The following CLVS1 variants were observed in gnomAD, a reference collection of about 807,000 sequenced individuals.
The protein encoded by CLVS1 is clavesin-1.
Under a neutral mutation model 33.1 loss-of-function variants are expected in CLVS1, and 10 were observed. The ratio of observed to expected loss-of-function variants is 0.30; its 90% CI spans 0.19 to 0.51. The LOEUF (loss-of-function observed/expected upper bound fraction) is 0.51. CLVS1 is among the 20% of genes least tolerant of loss of function. The pLI is 0.97. For synonymous variants in CLVS1, 163 were observed against 166.1 expected (o/e 0.98, Z 0.14); for missense variants, 343 against 433.4 (o/e 0.79, Z 1.85).
intron 2 of CLVS1, among the ~76,000 whole-genome samples, chr8:61,262,145 T>G (rs1241270501): frequency 6.6e-6 from 1 of 152,050 alleles, no homozygotes; most frequent in East Asian, 1.9e-4. Context: ...TCTCATGTAG[T>G]GGACAGTACA....
intron 2 of CLVS1, among the ~76,000 whole-genome samples, chr8:61,373,971 T>G (rs1253024412): frequency 6.6e-6 from 1 of 152,208 alleles, no homozygotes; most frequent in Admixed American, 6.5e-5. Context: ...TGTCGCATAT[T>G]TTTTACTATA....
rs1430662031 is a variant in CLVS1, at chr8:61,300,160, C to G, written c.333C>G (p.Phe111Leu). ...TAAACCTGGACATGTTCAAAAACTT[C>G]AAGGCAGATGATCCCGGCATTAAGA... Reference protein sequence around the residue: ...RQLNLDMFKNFKADDPGIKRA... With the variant: ...RQLNLDMFKNLKADDPGIKRA... The change falls in exon 2 of 6, where the codon TTC (phenylalanine) becomes TTG (leucine). Residue 111 changes from phenylalanine (F) to leucine (L), a missense_variant. Coordinates refer to ENST00000325897, the MANE Select transcript of CLVS1 (RefSeq NM_173519.3). 5 of 1,613,894 alleles carry G rather than the reference C, an allele frequency of 3.1e-6. No individual in the cohort carries two copies. Among genetic ancestry groups the G allele is most frequent in the African/African-American group, 1.3e-5 (1 of 74,884 alleles).
chr8:61,216,849 C>CT (rs1271936732), intron 2 of CLVS1, among the ~76,000 whole-genome samples: 2 of 151,996 alleles, frequency 1.3e-5, no homozygotes, highest in African/African-American at 2.4e-5. Context: ...TATTGGTGTT[C>CT]TTTTTTTATG....
intron 2 of CLVS1, among the ~76,000 whole-genome samples, chr8:61,232,289 G>A (rs1013287046): frequency 2.0e-5 from 3 of 151,994 alleles, no homozygotes; most frequent in African/African-American, 4.8e-5. Context: ...GCCCGCCTCA[G>A]CCTCCCAAAG....
intron 3 of CLVS1, among the ~76,000 whole-genome samples, chr8:61,430,606 G>C (rs1264436029): frequency 6.6e-6 from 1 of 152,124 alleles, no homozygotes; most frequent in African/African-American, 2.4e-5. Context: ...GAGGAACCCA[G>C]GCTGGCTCTT....
rs775795586 is a variant in CLVS1, at chr8:61,499,583, T to A, written c.*41T>A. The stretch of plus-strand genomic sequence containing the variant: ...AATGCTCCTGCACACTGGCCTTCAG[T>A]GGTATCAGCCACCCAGGAAGCACAT... On this transcript the variant is annotated 3_prime_UTR_variant, in exon 6 of 6. Transcript: ENST00000325897. 6.7e-7 allele frequency: 1 copy of A among 1,487,944 alleles called. No individual in the cohort carries two copies. Among genetic ancestry groups the A allele is most frequent in the African/African-American group, 1.4e-5 (1 of 72,492 alleles). The allele number at this position is 1,487,944 out of a possible 1,614,324, so 92.2% of individuals were successfully genotyped here.
intron 2 of CLVS1, among the ~76,000 whole-genome samples, chr8:61,250,063 T>A (rs933008777): frequency 6.6e-6 from 1 of 152,204 alleles, no homozygotes; most frequent in Non-Finnish European, 1.5e-5. Flanking sequence ...TACATTTAAG[T>A]CTTTAATCTA....
chr8:61,359,234 T>G (rs1812871457), intron 2 of CLVS1, among the ~76,000 whole-genome samples: 1 of 152,218 alleles, frequency 6.6e-6, no homozygotes, highest in Non-Finnish European at 1.5e-5. Flanking sequence ...CCACCACGTA[T>G]GTTTAAGTTT....
At chr8:61,047,622 A>G in the CLVS1 span, among the ~76,000 whole-genome samples, 17 of 152,366 alleles carry the variant, frequency 1.1e-4, no homozygotes, top group South Asian at 3.5e-3. Flanking sequence ...ATAAAAAATG[A>G]TGAGTTCATG....
chr8:61,139,254 G>A (rs1255969055), intron 2 of CLVS1, among the ~76,000 whole-genome samples: 2 of 152,198 alleles, frequency 1.3e-5, no homozygotes, highest in Non-Finnish European at 2.9e-5. Context: ...GCGAGGCGCC[G>A]CGGGGGCAGC....
intron 1 of CLVS1, among the ~76,000 whole-genome samples, chr8:61,065,135 A>G (rs1317760862): frequency 6.6e-6 from 1 of 152,238 alleles, no homozygotes; most frequent in African/African-American, 2.4e-5. Flanking sequence ...ACTAAAATCC[A>G]CAGATGCTCA....
chr8:61,493,115 TTAAG>T (rs1441843850), intron 5 of CLVS1, among the ~76,000 whole-genome samples: 2 of 152,230 alleles, frequency 1.3e-5, no homozygotes, highest in African/African-American at 4.8e-5. Flanking sequence ...TTTAAAGATA[TTAAG>T]TAAGGTAATA....
chr8:61,115,234 C>T (rs1805696068), intron 1 of CLVS1, among the ~76,000 whole-genome samples: 1 of 152,124 alleles, frequency 6.6e-6, no homozygotes, highest in South Asian at 2.1e-4. Flanking sequence ...CTGATAATAA[C>T]CATTTCTCAC....
At chr8:61,409,166 C>T (rs1815117612) in intron 3 of CLVS1, among the ~76,000 whole-genome samples, 1 of 152,070 alleles carries the variant, frequency 6.6e-6, no homozygotes, top group Non-Finnish European at 1.5e-5. Flanking sequence ...AATATATAAA[C>T]ATTTTTGAAT....
intron 1 of CLVS1, among the ~76,000 whole-genome samples, chr8:61,066,141 C>A (rs1804674110): frequency 6.6e-6 from 1 of 152,098 alleles, no homozygotes; most frequent in Non-Finnish European, 1.5e-5. Flanking sequence ...TGTGTTGTAT[C>A]ATCTATATTG....
intron 1 of CLVS1, among the ~76,000 whole-genome samples, chr8:61,076,936 T>C (rs138207697): frequency 2.4e-4 from 37 of 152,348 alleles, no homozygotes; most frequent in Middle Eastern, 6.8e-3. Flanking sequence ...TCTGTGCCTG[T>C]TGCGGATGAT....
At chr8:61,099,259 T>A (rs890144320) in intron 1 of CLVS1, among the ~76,000 whole-genome samples, 4 of 152,080 alleles carry the variant, frequency 2.6e-5, no homozygotes, top group African/African-American at 4.8e-5. Flanking sequence ...CTGGTGGGCA[T>A]CCAAAAGGAG....
At chr8:61,201,984 C>A (rs1287243998) in intron 2 of CLVS1, among the ~76,000 whole-genome samples, 1 of 152,168 alleles carries the variant, frequency 6.6e-6, no homozygotes, top group Non-Finnish European at 1.5e-5. Flanking sequence ...GGAATGGGAT[C>A]TAACATTCTG....
intron 1 of CLVS1, among the ~76,000 whole-genome samples, chr8:61,097,568 T>C (rs1439418496): frequency 6.6e-6 from 1 of 152,244 alleles, no homozygotes; most frequent in Non-Finnish European, 1.5e-5. Flanking sequence ...GAGAGAGTTC[T>C]CTGCTTTACA....
Sources: gnomAD v4.1 joint callset for allele counts (sites outside exome capture counted in the v4.1 genomes callset) on GRCh38, gnomAD v4.1.1 for gene constraint, MANE v1.5 for transcripts, NCBI Gene and HGNC (gene_info 2026-07-23, HGNC 2026-07-21) for gene names.